SLC14A2: variants seen among roughly 807,000 people sequenced by gnomAD.
SLC14A2 encodes urea transporter 2.
SLC14A2 carries 91 observed loss-of-function variants against 104.6 expected under a neutral mutation model. That is an observed-to-expected ratio of 0.87 (90% confidence interval 0.73 to 1.04). The LOEUF (loss-of-function observed/expected upper bound fraction) is 1.04. Ranked by LOEUF, SLC14A2 falls within the 50% of genes least tolerant of loss-of-function variation. The pLI, the probability that SLC14A2 is intolerant of heterozygous loss-of-function variation, is 0.00. For missense variants in SLC14A2, 1,189 were observed against 1,156.0 expected, an observed-to-expected ratio of 1.03 and a Z score of -0.41; for synonymous variants, 476 against 466.4, an observed-to-expected ratio of 1.02 and a Z score of -0.27.
At chr18:45,509,949 C>G (rs2043341300) in intron 2 of SLC14A2, among the ~76,000 whole-genome samples, 1 of 152,170 alleles carries the variant, frequency 6.6e-6, no homozygotes, top group African/African-American at 2.4e-5. Flanking sequence ...CTCTGCCTAA[C>G]AGAAGGGGAA....
intron 2 of SLC14A2, among the ~76,000 whole-genome samples, chr18:45,574,189 T>C (rs758851628): frequency 6.6e-6 from 1 of 152,090 alleles, no homozygotes; most frequent in Non-Finnish European, 1.5e-5. Context: ...CGTGCATGTG[T>C]GTATGTGCAC....
intron 2 of SLC14A2, among the ~76,000 whole-genome samples, chr18:45,494,580 T>A (rs1463806052): frequency 2.6e-5 from 4 of 151,980 alleles, no homozygotes; most frequent in South Asian, 2.1e-4. Flanking sequence ...TTTTTTTTTT[T>A]AAATAGCGAC....
intron 1 of SLC14A2, among the ~76,000 whole-genome samples, chr18:45,437,943 G>C (rs767365999): frequency 6.6e-6 from 1 of 152,064 alleles, no homozygotes; most frequent in Non-Finnish European, 1.5e-5. Flanking sequence ...AGAAATCTTG[G>C]GTTATAAATA....
intron 2 of SLC14A2, among the ~76,000 whole-genome samples, chr18:45,578,779 T>C (rs2044449639): frequency 6.6e-6 from 1 of 152,242 alleles, no homozygotes; most frequent in African/African-American, 2.4e-5. Context: ...TCCTTTTCTC[T>C]CACAGAGTGT....
chr18:45,172,592 TA>T, the SLC14A2 span, among the ~76,000 whole-genome samples: 9 of 152,142 alleles, frequency 5.9e-5, no homozygotes, highest in Admixed American at 3.3e-4. Flanking sequence ...ATTGCCTCAT[TA>T]AAAGCTATAG....
intron 1 of SLC14A2, among the ~76,000 whole-genome samples, chr18:45,438,868 G>A (rs752281640): frequency 6.6e-6 from 1 of 152,158 alleles, no homozygotes; most frequent in Non-Finnish European, 1.5e-5. Context: ...CCCCATATCA[G>A]GCATTAGGCA....
intron 1 of SLC14A2, among the ~76,000 whole-genome samples, chr18:45,472,006 T>C (rs1181700373): frequency 6.6e-6 from 1 of 152,126 alleles, no homozygotes; most frequent in Non-Finnish European, 1.5e-5. Flanking sequence ...TAGGTATTTC[T>C]CCTAATGCTA....
intron 1 of SLC14A2, among the ~76,000 whole-genome samples, chr18:45,433,275 C>T (rs1300321510): frequency 6.6e-6 from 1 of 152,158 alleles, no homozygotes; most frequent in Non-Finnish European, 1.5e-5. Context: ...TTAAATGCAA[C>T]AAATATTATT....
intron 11 of SLC14A2, among the ~76,000 whole-genome samples, chr18:45,665,740 G>A (rs1038998261): frequency 7.6e-5 from 9 of 118,624 alleles, no homozygotes; most frequent in South Asian, 2.8e-4. Flanking sequence ...TTCTCCATGT[G>A]GAACAGGAGA....
At chr18:45,457,305 C>G (rs140193107) in intron 1 of SLC14A2, among the ~76,000 whole-genome samples, 1,522 of 152,164 alleles carry the variant, frequency 0.01, 16 homozygotes, top group African/African-American at 0.024. Context: ...TGAAAGCCCC[C>G]CTACCATCCC....
chr18:45,622,581 G>A (rs2045190950), intron 1 of SLC14A2, among the ~76,000 whole-genome samples: 1 of 152,202 alleles, frequency 6.6e-6, no homozygotes, highest in African/African-American at 2.4e-5. Context: ...GACGTCACCT[G>A]GGTAGGAGCA....
At chr18:45,203,348 C>T in the SLC14A2 span, among the ~76,000 whole-genome samples, 2 of 152,186 alleles carry the variant, frequency 1.3e-5, no homozygotes, top group Non-Finnish European at 2.9e-5. Flanking sequence ...ATTGACTACT[C>T]TTCTCAAAAC....
intron 1 of SLC14A2, among the ~76,000 whole-genome samples, chr18:45,396,876 T>C (rs1362006329): frequency 6.6e-6 from 1 of 152,022 alleles, no homozygotes; most frequent in East Asian, 1.9e-4. Context: ...TGTTCATGAG[T>C]TCTCATCATT....
chr18:45,526,985 C>CA (rs1219355888), intron 2 of SLC14A2, among the ~76,000 whole-genome samples: 1 of 152,040 alleles, frequency 6.6e-6, no homozygotes, highest in Non-Finnish European at 1.5e-5. Context: ...AGGCTATAAA[C>CA]AAAAAATGTC....
intron 1 of SLC14A2, among the ~76,000 whole-genome samples, chr18:45,445,055 G>A (rs1317617487): frequency 6.6e-6 from 1 of 150,858 alleles, no homozygotes; most frequent in East Asian, 1.9e-4. Context: ...GAATCTTGTA[G>A]GTAAGGGAGT....
chr18:45,217,441 C>CTATATG (rs2084020730), intron 1 of SLC14A2, among the ~76,000 whole-genome samples: 1 of 151,844 alleles, frequency 6.6e-6, no homozygotes, highest in African/African-American at 2.4e-5. Flanking sequence ...ATAGTAGCCA[C>CTATATG]AGTGGGTTAG....
chr18:45,209,692 T>C (rs1418082991), upstream of SLC14A2, among the ~76,000 whole-genome samples: 2 of 152,222 alleles, frequency 1.3e-5, no homozygotes, highest in East Asian at 3.8e-4. Context: ...CCTTGATTTC[T>C]TCATTCATCT....
intron 2 of SLC14A2, among the ~76,000 whole-genome samples, chr18:45,494,668 G>A (rs1239260718): frequency 4.6e-5 from 7 of 151,808 alleles, no homozygotes; most frequent in South Asian, 4.2e-4. Flanking sequence ...CTCCCAAAGC[G>A]CTGGGATTAC....
chr18:45,576,523 T>C (rs2144349634), intron 2 of SLC14A2, among the ~76,000 whole-genome samples: 1 of 152,050 alleles, frequency 6.6e-6, no homozygotes, highest in East Asian at 1.9e-4. Flanking sequence ...GACCTCATGA[T>C]CCACCTGCCT....
Sources: allele counts gnomAD v4.1 joint callset (sites outside exome capture counted in the v4.1 genomes callset), GRCh38; gene constraint gnomAD v4.1.1; transcripts MANE v1.5; gene names NCBI Gene and HGNC (gene_info 2026-07-23, HGNC 2026-07-21).